The following ADK variants were observed in gnomAD, a reference collection of about 807,000 sequenced individuals.
ADK encodes adenosine kinase.
ADK carries 24 observed loss-of-function variants against 44.7 expected under a neutral mutation model. The ratio of observed to expected loss-of-function variants is 0.54; its 90% CI spans 0.39 to 0.76. The LOEUF (loss-of-function observed/expected upper bound fraction) is 0.76, where lower values mean the gene tolerates loss of function less well. Ranked by LOEUF, ADK falls within the 30% of genes least tolerant of loss-of-function variation. The pLI is 0.00. For synonymous variants in ADK, 128 were observed against 142.6 expected (o/e 0.90, Z 0.73); for missense variants, 321 against 425.1 (o/e 0.76, Z 2.15).
At chr10:74,538,817 GTTAA>G (rs776711124) in intron 7 of ADK, among the ~76,000 whole-genome samples, 8 of 152,000 alleles carry the variant, frequency 5.3e-5, no homozygotes, top group East Asian at 1.9e-4. Flanking sequence ...GTTTCTAATA[GTTAA>G]TTAATAATTT....
chr10:74,296,189 T>A (rs1839807237), intron 3 of ADK, among the ~76,000 whole-genome samples: 1 of 152,076 alleles, frequency 6.6e-6, no homozygotes, highest in Non-Finnish European at 1.5e-5. Context: ...AAATTTTTTT[T>A]ATGCATGGCA....
At chr10:74,426,776 T>C (rs1386576019) in intron 6 of ADK, among the ~76,000 whole-genome samples, 1 of 151,696 alleles carries the variant, frequency 6.6e-6, no homozygotes, top group African/African-American at 2.4e-5. Context: ...CAAGTGAACT[T>C]AATTCATTTT....
intron 6 of ADK, among the ~76,000 whole-genome samples, chr10:74,428,836 A>C (rs947060745): frequency 2.0e-5 from 3 of 152,124 alleles, no homozygotes; most frequent in Non-Finnish European, 4.4e-5. Flanking sequence ...GGGTGATCAC[A>C]AGTATCACCT....
chr10:74,257,785 G>T (rs1033421649), intron 3 of ADK, among the ~76,000 whole-genome samples: 2 of 152,176 alleles, frequency 1.3e-5, no homozygotes, highest in African/African-American at 4.8e-5. Context: ...AAAATGCAGT[G>T]TAACTTGTAC....
At chr10:74,383,415 T>TCTGTCTCTCTCA (rs1843039804) in intron 4 of ADK, among the ~76,000 whole-genome samples, 1 of 152,150 alleles carries the variant, frequency 6.6e-6, no homozygotes, top group Non-Finnish European at 1.5e-5. Context: ...TCTGTCTCTC[T>TCTGTCTCTCTCA]CTCTCTCTCT....
chr10:74,645,274 A>G (rs1190128722), intron 9 of ADK, among the ~76,000 whole-genome samples: 4 of 152,132 alleles, frequency 2.6e-5, no homozygotes, highest in African/African-American at 4.8e-5. Context: ...TCTGTTCAGT[A>G]TATTTTTGCA....
At chr10:74,347,596 G>A (rs1841821801) in intron 4 of ADK, among the ~76,000 whole-genome samples, 1 of 152,102 alleles carries the variant, frequency 6.6e-6, no homozygotes, top group Non-Finnish European at 1.5e-5. Context: ...AAAGGGGGCT[G>A]AAGCCAGGGA....
At chr10:74,180,784 G>A (rs1033305376) in intron 1 of ADK, among the ~76,000 whole-genome samples, 2 of 151,976 alleles carry the variant, frequency 1.3e-5, no homozygotes, top group Non-Finnish European at 2.9e-5. Context: ...AATTCCTGAC[G>A]TCGTGATCCC....
chr10:74,209,049 A>G (rs1244715408), intron 2 of ADK, among the ~76,000 whole-genome samples: 4 of 152,066 alleles, frequency 2.6e-5, no homozygotes, highest in African/African-American at 7.2e-5. Flanking sequence ...GATAAGTGGT[A>G]TATTGCTATG....
At chr10:74,321,408 T>G (rs893791373) in intron 4 of ADK, among the ~76,000 whole-genome samples, 1 of 151,946 alleles carries the variant, frequency 6.6e-6, no homozygotes, top group Non-Finnish European at 1.5e-5. Flanking sequence ...CTCAGCCTCC[T>G]GAGTAGTTGG....
At position 74,708,411 on chromosome 10, in the gene ADK, G is replaced by T; in HGVS notation, c.1055G>T (p.Gly352Val). Residue 352 changes from glycine to valine, a missense_variant, in exon 11 of 11, where the codon GGC becomes GTC. Gly to Val is a moderately radical substitution (Grantham distance 109). Coordinates refer to ENST00000539909, the MANE Select transcript of ADK (RefSeq NM_006721.4). The stretch of plus-strand genomic sequence containing the variant: ...GCAAGCATCATAATTAGACGGACTG[G>T]CTGCACCTTTCCTGAGAAGCCAGAC... ...YAASIIIRRT[G>V]CTFPEKPDFH The T allele has an allele frequency of 6.2e-7, 1 of 1,612,518 alleles. No homozygotes were observed.
chr10:74,680,298 G>C (rs977326989), intron 10 of ADK, among the ~76,000 whole-genome samples: 1 of 139,806 alleles, frequency 7.2e-6, no homozygotes, highest in Non-Finnish European at 1.5e-5. Context: ...CTGGGCGACA[G>C]AGCAAGACTC....
At chr10:74,569,611 T>C (rs1850853213) in intron 7 of ADK, among the ~76,000 whole-genome samples, 1 of 152,206 alleles carries the variant, frequency 6.6e-6, no homozygotes, top group Non-Finnish European at 1.5e-5. Flanking sequence ...TTCGCCCACT[T>C]TTTGATGAGG....
rs115882901 is a variant in ADK at position 74,440,315 on chromosome 10, G to A, written c.555+41736G>A. Among the ~76,000 whole-genome samples, 712 of 152,216 alleles carry A rather than the reference G, an allele frequency of 4.7e-3. 4 individuals carry two copies. The highest frequency in any genetic ancestry group is 0.016 in the African/African-American group (663 of 41,568). On this transcript the variant is annotated intron_variant, in intron 6 of 10. Transcript: ENST00000539909. The stretch of plus-strand genomic sequence containing the variant: ...AATGCAGGAACTCAAGGTTAGAGAG[G>A]TTAAATAATTGGCTAAAATTCACCT...
At chr10:74,499,221 T>G (rs781343994) in intron 6 of ADK, among the ~76,000 whole-genome samples, 4 of 152,046 alleles carry the variant, frequency 2.6e-5, no homozygotes, top group Non-Finnish European at 5.9e-5. Flanking sequence ...CTGGCTAAAT[T>G]CTGAGTTGTT....
intron 3 of ADK, among the ~76,000 whole-genome samples, chr10:74,233,241 G>A (rs1844844084): frequency 6.6e-6 from 1 of 152,166 alleles, no homozygotes; most frequent in Non-Finnish European, 1.5e-5. Context: ...TCCCTAAAAT[G>A]TGAGAGAAAA....
intron 6 of ADK, among the ~76,000 whole-genome samples, chr10:74,508,881 A>G (rs1448678278): frequency 6.6e-6 from 1 of 152,168 alleles, no homozygotes; most frequent in Admixed American, 6.5e-5. Context: ...AGGGTAAATT[A>G]TAGCTTGTCT....
chr10:74,655,144 A>G (rs1209520513), intron 9 of ADK: 2 of 302,480 alleles, frequency 6.6e-6, no homozygotes, highest in East Asian at 1.8e-4. Flanking sequence ...CTTCACCCCA[A>G]ATATCATCAG....
At position 74,546,869 on chromosome 10, in the gene ADK, A is replaced by T. The variant is rs182997946; in HGVS notation, c.726+21443A>T. On this transcript the variant is annotated intron_variant, in intron 7 of 10. Transcript: ENST00000539909. Reference sequence around the variant, plus strand: ...TCAAGGTACCTTTAAGCGATTTTTTAAAAAAAATTCTGACTCTAACAATGC... The same window carrying T: ...TCAAGGTACCTTTAAGCGATTTTTTTAAAAAAATTCTGACTCTAACAATGC... Among the ~76,000 whole-genome samples, 1,146 of 152,104 alleles carry T rather than the reference A, an allele frequency of 7.5e-3. 11 individuals are homozygous for T. The highest frequency in any genetic ancestry group is 0.011 in the Non-Finnish European group (756 of 67,950).
Sources: allele counts gnomAD v4.1 joint callset (sites outside exome capture counted in the v4.1 genomes callset), GRCh38; gene constraint gnomAD v4.1.1; transcripts MANE v1.5; gene names NCBI Gene and HGNC (gene_info 2026-07-23, HGNC 2026-07-21).